The following CSMD1 variants were observed in gnomAD, a reference collection of about 807,000 sequenced individuals.
CSMD1 encodes CUB and Sushi multiple domains 1.
In CSMD1, 213 loss-of-function variants were observed where a neutral mutation model predicts 417.5. The ratio of observed to expected loss-of-function variants is 0.51; its 90% CI spans 0.46 to 0.57. The LOEUF is 0.57. Among genes scored for constraint, CSMD1 ranks in the 20% least tolerant of loss-of-function variants. The pLI, the probability that CSMD1 is intolerant of heterozygous loss-of-function variation, is 0.00. For missense variants in CSMD1, 6,923 were observed against 4,529.7 expected (o/e 1.53, Z -15.17); for synonymous variants, 2,862 against 1,736.8 (o/e 1.65, Z -16.11).
intron 12 of CSMD1, among the ~76,000 whole-genome samples, chr8:3,429,258 T>C (rs1814055770): frequency 6.6e-6 from 1 of 152,210 alleles, no homozygotes; most frequent in South Asian, 2.1e-4. Context: ...ATTTGACCAT[T>C]TCACAATGTA....
intron 12 of CSMD1, among the ~76,000 whole-genome samples, chr8:3,420,526 T>C (rs1158874068): frequency 6.6e-6 from 1 of 152,016 alleles, no homozygotes; most frequent in Non-Finnish European, 1.5e-5. Flanking sequence ...GTATTAAATA[T>C]AGGGAAACTG....
intron 3 of CSMD1, among the ~76,000 whole-genome samples, chr8:4,060,955 T>C (rs916905982): frequency 1.9e-4 from 29 of 152,216 alleles, no homozygotes; most frequent in Non-Finnish European, 2.2e-4. Context: ...TCATTGAAAG[T>C]GTGGAGGAAA....
intron 2 of CSMD1, among the ~76,000 whole-genome samples, chr8:4,439,972 C>A (rs747453233): frequency 1.3e-5 from 2 of 152,140 alleles, no homozygotes; most frequent in African/African-American, 4.8e-5. Flanking sequence ...TCCTGGCCTG[C>A]ACACTTCACC....
At chr8:4,450,777 A>G (rs1044470018) in intron 2 of CSMD1, among the ~76,000 whole-genome samples, 3 of 152,168 alleles carry the variant, frequency 2.0e-5, no homozygotes, top group Admixed American at 2.0e-4. Flanking sequence ...GAAAGCAAGT[A>G]TTGTATTTTC....
At chr8:4,978,262 C>CCT (rs1810678756) in intron 1 of CSMD1, among the ~76,000 whole-genome samples, 1 of 152,154 alleles carries the variant, frequency 6.6e-6, no homozygotes, top group Admixed American at 6.5e-5. Context: ...AAAGGGGGGA[C>CCT]AGGCAGGTGG....
chr8:3,661,505 T>G (rs1439400286), intron 7 of CSMD1, among the ~76,000 whole-genome samples: 1 of 152,092 alleles, frequency 6.6e-6, no homozygotes, highest in Non-Finnish European at 1.5e-5. Flanking sequence ...CTGATTTTTT[T>G]TTCTTTTTTG....
chr8:3,246,476 T>C (rs571270990), intron 26 of CSMD1, among the ~76,000 whole-genome samples: 1 of 152,134 alleles, frequency 6.6e-6, no homozygotes, highest in East Asian at 1.9e-4. Flanking sequence ...TTTTTTTAAA[T>C]TTGTATTTTT....
intron 3 of CSMD1, among the ~76,000 whole-genome samples, chr8:4,393,430 A>G (rs1259836463): frequency 6.6e-6 from 1 of 152,174 alleles, no homozygotes; most frequent in African/African-American, 2.4e-5. Flanking sequence ...AATACATAGA[A>G]CCCAAAATGC....
At chr8:3,853,864 T>C (rs1563146925) in intron 5 of CSMD1, among the ~76,000 whole-genome samples, 1 of 147,432 alleles carries the variant, frequency 6.8e-6, no homozygotes, top group Non-Finnish European at 1.5e-5. Flanking sequence ...AAACTTAATA[T>C]ATTATACTTT....
At chr8:4,799,924 C>T (rs1255565490) in intron 1 of CSMD1, among the ~76,000 whole-genome samples, 1 of 152,094 alleles carries the variant, frequency 6.6e-6, no homozygotes, top group Non-Finnish European at 1.5e-5. Flanking sequence ...ATGCAGCTTT[C>T]GAAAGCGATG....
chr8:3,904,894 C>T (rs1377140387), intron 5 of CSMD1, among the ~76,000 whole-genome samples: 1 of 152,144 alleles, frequency 6.6e-6, no homozygotes, highest in East Asian at 1.9e-4. Flanking sequence ...GCTTCCGCCT[C>T]CCAAAGGGCT....
chr8:4,671,584 G>C (rs142517365), intron 1 of CSMD1, among the ~76,000 whole-genome samples: 5 of 152,274 alleles, frequency 3.3e-5, no homozygotes, highest in East Asian at 1.9e-4. Context: ...ACTTTGAATA[G>C]TCTCAAACAA....
chr8:4,317,337 A>T (rs1042925210), intron 3 of CSMD1, among the ~76,000 whole-genome samples: 2 of 152,168 alleles, frequency 1.3e-5, no homozygotes, highest in African/African-American at 4.8e-5. Flanking sequence ...GGTGCAGTGA[A>T]ATTAGACTCC....
At chr8:3,293,050 T>C (rs1803697595) in intron 25 of CSMD1, among the ~76,000 whole-genome samples, 1 of 152,290 alleles carries the variant, frequency 6.6e-6, no homozygotes, top group East Asian at 1.9e-4. Context: ...AGCATTTGCT[T>C]GTGTGTAAAG....
In CSMD1 at chr8:3,616,766, G is replaced by C. The variant is rs751052732; in HGVS notation, c.1041C>G (p.Asp347Glu). 6.2e-7 allele frequency: 1 copy of C among 1,612,374 alleles called. No individual in the cohort carries two copies. Among genetic ancestry groups the C allele is most frequent in the Non-Finnish European group, 8.5e-7 (1 of 1,179,092 alleles). The change falls in exon 8 of 70, where the codon GAC becomes GAG. Residue 347 changes from aspartate (D) to glutamate (E), a missense_variant. Asp to Glu is a conservative substitution (Grantham distance 45). Coordinates refer to ENST00000635120, the MANE Select transcript of CSMD1 (RefSeq NM_033225.6). ...LSQGGVALVSDMCPDPGIPEN... is the reference protein window; with the variant it reads ...LSQGGVALVSEMCPDPGIPEN... ...CTGGAATCCCAGGATCTGGACACAT[G>C]TCAGAGACCAATGCAACACCTCCTT...
intron 4 of CSMD1, among the ~76,000 whole-genome samples, chr8:4,012,286 A>C (rs1816600871): frequency 6.6e-6 from 1 of 152,052 alleles, no homozygotes; most frequent in Non-Finnish European, 1.5e-5. Flanking sequence ...CTGAGTCATC[A>C]TGCCAGTTTC....
chr8:3,670,740 T>C (rs1798962846), intron 7 of CSMD1, among the ~76,000 whole-genome samples: 1 of 105,402 alleles, frequency 9.5e-6, no homozygotes, highest in Non-Finnish European at 2.3e-5. Flanking sequence ...GTATGGGATG[T>C]ATGTATATGG....
intron 3 of CSMD1, among the ~76,000 whole-genome samples, chr8:4,216,068 G>A (rs1372545904): frequency 6.6e-6 from 1 of 152,194 alleles, no homozygotes; most frequent in Non-Finnish European, 1.5e-5. Flanking sequence ...TGGGAAGAAA[G>A]GGAGGTCACT....
At chr8:3,208,560 C>T (rs974961608) in intron 30 of CSMD1, among the ~76,000 whole-genome samples, 12 of 152,074 alleles carry the variant, frequency 7.9e-5, no homozygotes, top group Non-Finnish European at 1.3e-4. Context: ...CCACCACGCC[C>T]GGCCATATGT....
Sources: allele counts gnomAD v4.1 joint callset (sites outside exome capture counted in the v4.1 genomes callset), GRCh38; gene constraint gnomAD v4.1.1; transcripts MANE v1.5; gene names NCBI Gene and HGNC (gene_info 2026-07-23, HGNC 2026-07-21).